ALG13: variants seen among roughly 807,000 people sequenced by gnomAD.
ALG13 encodes ALG13 UDP-N-acetylglucosaminyltransferase subunit, also known as UDP-N-acetylglucosamine transferase subunit ALG13.
In ALG13, 11 loss-of-function variants were observed where a neutral mutation model predicts 87.8. That is an observed-to-expected ratio of 0.13 (90% CI 0.08 to 0.21). The LOEUF is 0.21. ALG13 is among the 10% of genes least tolerant of loss of function. The pLI, the probability that ALG13 is intolerant of heterozygous loss-of-function variation, is 1.00. For missense variants in ALG13, 756 were observed against 866.1 expected (o/e 0.87, Z 1.60); for synonymous variants, 320 against 306.3 (o/e 1.04, Z -0.47).
At chrX:111,692,750 T>C (rs1329019396) in intron 3 of ALG13, among the ~76,000 whole-genome samples, 4 of 112,155 alleles carry the variant, frequency 3.6e-5, no homozygotes, top group Non-Finnish European at 5.6e-5. Context: ...AGCACTATAG[T>C]GTTTTCTAGT....
intron 25 of ALG13, among the ~76,000 whole-genome samples, chrX:111,755,777 G>T (rs1945189518): frequency 8.9e-6 from 1 of 112,335 alleles, no homozygotes; most frequent in Non-Finnish European, 1.9e-5. Context: ...ACAGATGCTG[G>T]AGAGGATGTG....
At chrX:111,728,454 G>A (rs1040686305) in intron 19 of ALG13, 149 bp downstream of exon 19, 2 of 647,572 alleles carry the variant, frequency 3.1e-6, no homozygotes, top group Admixed American at 7.9e-5. Context: ...ATGCTTGCTG[G>A]GTTTTTGAAT....
intron 24 of ALG13, among the ~76,000 whole-genome samples, chrX:111,745,515 C>T (rs958615695): frequency 9.1e-6 from 1 of 110,252 alleles, no homozygotes; most frequent in Non-Finnish European, 1.9e-5. Context: ...CTTGGTTTTT[C>T]TAGCTGCTTC....
chrX:111,688,013 T>C, intron 3 of ALG13: 2 of 1,124,975 alleles, frequency 1.8e-6, no homozygotes, highest in Non-Finnish European at 2.3e-6. Context: ...CACTAAACTC[T>C]CAACACTTTA....
At chrX:111,731,183 A>T (rs1398083068) in intron 21 of ALG13, among the ~76,000 whole-genome samples, 1 of 111,934 alleles carries the variant, frequency 8.9e-6, no homozygotes. Flanking sequence ...GCATCCTAAA[A>T]TGTCCCATTC....
At position 111,746,212 on chromosome X, in the gene ALG13, A is replaced by G. The variant is rs986089544; in HGVS notation, c.2932+1308A>G. 3.6e-5 allele frequency among the ~76,000 whole-genome samples: 4 copies of G among 111,918 alleles called. No individual in the cohort carries two copies. The East Asian group carries it at 1.1e-3, about 32-fold the overall frequency. On this transcript the variant is annotated intron_variant, in intron 24 of 26. Transcript: ENST00000394780. Reference sequence around the variant, plus strand: ...ATATAATGAAATGTACAAAACTTAAATGCACATTAGCTTACTTTTAACATA... The same window carrying G: ...ATATAATGAAATGTACAAAACTTAAGTGCACATTAGCTTACTTTTAACATA...
At chrX:111,749,048 G>A (rs1006376902) in intron 24 of ALG13, among the ~76,000 whole-genome samples, 1 of 110,958 alleles carries the variant, frequency 9.0e-6, no homozygotes, top group Non-Finnish European at 1.9e-5. Context: ...ATGCCACACT[G>A]CACTCCAGCC....
At chrX:111,754,575 C>T (rs1385483875) in intron 25 of ALG13, among the ~76,000 whole-genome samples, 2 of 112,367 alleles carry the variant, frequency 1.8e-5, no homozygotes, top group African/African-American at 6.5e-5. Context: ...GCAACTTCAG[C>T]AAAGTTGAAG....
chrX:111,692,771 A>C (rs767896226), intron 3 of ALG13, among the ~76,000 whole-genome samples: 3 of 111,890 alleles, frequency 2.7e-5, no homozygotes, highest in Non-Finnish European at 5.6e-5. Context: ...AAAAGCTTAC[A>C]TAGAGAAAGG....
chrX:111,753,829 G>A (rs967258625), intron 25 of ALG13, among the ~76,000 whole-genome samples: 12 of 111,482 alleles, frequency 1.1e-4, no homozygotes, highest in African/African-American at 2.6e-4. Context: ...ATTCACAGCC[G>A]AATTCTACCA....
At chrX:111,715,814 G>A (rs957906517) in intron 8 of ALG13, among the ~76,000 whole-genome samples, 1 of 112,256 alleles carries the variant, frequency 8.9e-6, no homozygotes, top group Non-Finnish European at 1.9e-5. Context: ...AGAAATAAAT[G>A]TCTAATATTC....
chrX:111,706,761 T>TA (rs1032906013), intron 3 of ALG13: 2 of 110,429 alleles, frequency 1.8e-5, no homozygotes, highest in Admixed American at 9.7e-5. Context: ...TGAGACACTT[T>TA]AAAAAAATAA....
Position 111,759,803 on chromosome X carries a change from C to T in ALG13, c.3218C>T (p.Pro1073Leu). 1 of 1,210,108 alleles carries T rather than the reference C, an allele frequency of 8.3e-7. No individual in the cohort carries two copies. Among genetic ancestry groups the T allele is most frequent in the Non-Finnish European group, 1.1e-6 (1 of 894,627 alleles). Residue 1073 changes from proline (P) to leucine (L), a missense_variant, in exon 27 of 27, where the codon CCC (proline) becomes CTC (leucine). Physicochemically the swap from Pro to Leu is moderately conservative, Grantham distance 98. Transcript: ENST00000394780. Reference sequence around the variant, plus strand: ...GTCTATTATCCAGTAATGTCAGATCCCTATGGGCAGCCACCTTTGCCAGGT... The same window carrying T: ...GTCTATTATCCAGTAATGTCAGATCTCTATGGGCAGCCACCTTTGCCAGGT... ...GAVYYPVMSD[P>L]YGQPPLPGFD...
intron 8 of ALG13, among the ~76,000 whole-genome samples, chrX:111,716,639 C>T (rs748538709): frequency 8.9e-6 from 1 of 112,217 alleles, no homozygotes; most frequent in Non-Finnish European, 1.9e-5. Flanking sequence ...TGACACTTGA[C>T]TTCAGTACTT....
chrX:111,745,446 C>A (rs1944149930), intron 24 of ALG13, among the ~76,000 whole-genome samples: 1 of 110,864 alleles, frequency 9.0e-6, no homozygotes, highest in Admixed American at 9.6e-5. Context: ...TGGCATATTT[C>A]TCAAGAGAAT....
intron 3 of ALG13, among the ~76,000 whole-genome samples, chrX:111,702,503 A>G (rs1602605666): frequency 8.9e-6 from 1 of 111,822 alleles, no homozygotes; most frequent in Admixed American, 9.5e-5. Context: ...ACTTTTTGAT[A>G]GTAACATCTC....
chrX:111,734,442 A>G (rs1277277537), intron 21 of ALG13: 1 of 112,087 alleles, frequency 8.9e-6, no homozygotes, highest in African/African-American at 3.2e-5. Flanking sequence ...ACAGTAAGGT[A>G]CTTTTTGTTG....
chrX:111,707,232 TC>T (rs1938935592), intron 3 of ALG13, among the ~76,000 whole-genome samples: 1 of 112,499 alleles, frequency 8.9e-6, no homozygotes, highest in Non-Finnish European at 1.9e-5. Context: ...CATCTCATAC[TC>T]TACCATACCA....
intron 1 of ALG13, chrX:111,681,702 T>C (rs914137843): frequency 1.2e-6 from 1 of 843,578 alleles, no homozygotes; most frequent in Non-Finnish European, 1.4e-6. Flanking sequence ...GGCGCCGGCG[T>C]CTGAGCCAGC....
Sources: allele counts gnomAD v4.1 joint callset (sites outside exome capture counted in the v4.1 genomes callset), GRCh38; gene constraint gnomAD v4.1.1; transcripts MANE v1.5; gene names NCBI Gene and HGNC (gene_info 2026-07-23, HGNC 2026-07-21).